Variants in OPCML observed in about 807,000 individuals in gnomAD.
The protein encoded by OPCML is opioid binding protein/cell adhesion molecule like, also known as opioid-binding protein/cell adhesion molecule.
Under a neutral mutation model 37.8 loss-of-function variants are expected in OPCML, and 13 were observed. The observed-to-expected ratio is 0.34, with a 90% CI of 0.22 to 0.55. The LOEUF (loss-of-function observed/expected upper bound fraction) is 0.55. Ranked by LOEUF, OPCML falls within the 20% of genes least tolerant of loss-of-function variation. The probability of loss-of-function intolerance (pLI) is 0.91; values close to 1 mark genes in which losing one functional copy is unlikely to be tolerated. For synonymous variants in OPCML, 176 were observed against 168.8 expected (o/e 1.04, Z -0.33); for missense variants, 341 against 435.6 (o/e 0.78, Z 1.93).
At chr11:132,815,324 C>T (rs1436841186) in intron 2 of OPCML, among the ~76,000 whole-genome samples, 1 of 152,158 alleles carries the variant, frequency 6.6e-6, no homozygotes, top group Non-Finnish European at 1.5e-5. Context: ...GCAGAATTCT[C>T]TACTGTAATT....
intron 2 of OPCML, among the ~76,000 whole-genome samples, chr11:132,843,931 C>G (rs768185575): frequency 5.9e-5 from 9 of 152,204 alleles, no homozygotes; most frequent in Non-Finnish European, 1.3e-4. Context: ...TGTCCCCACA[C>G]AAATCTCATC....
At chr11:133,098,572 C>A (rs1949038897) in intron 1 of OPCML, among the ~76,000 whole-genome samples, 1 of 152,066 alleles carries the variant, frequency 6.6e-6, no homozygotes, top group Non-Finnish European at 1.5e-5. Context: ...CAGACTAAAG[C>A]AGAAAAATCA....
chr11:132,915,272 C>T (rs183879859), intron 2 of OPCML, among the ~76,000 whole-genome samples: 52 of 152,298 alleles, frequency 3.4e-4, no homozygotes, highest in African/African-American at 1.2e-3. Context: ...ATAAACATGT[C>T]ATATGTACTG....
In OPCML at chr11:132,639,935, T is replaced by C. The variant is rs61259947; in HGVS notation, c.379+17152A>G. Among the ~76,000 whole-genome samples the C allele has an allele frequency of 5.1e-3, 773 of 152,344 alleles. 6 individuals are homozygous for C. Among genetic ancestry groups the C allele is most frequent in the African/African-American group, 0.018 (736 of 41,576 alleles). ...TTACTCACTAGAGGCAGAAAATCAC[T>C]GCAAGGCAATAGTTTCTGAGGCAAA... On this transcript the variant is annotated intron_variant, in intron 3 of 7. Transcript: ENST00000524381.
At chr11:132,762,282 A>T (rs573512925) in intron 2 of OPCML, among the ~76,000 whole-genome samples, 2 of 152,324 alleles carry the variant, frequency 1.3e-5, no homozygotes, top group South Asian at 2.1e-4. Context: ...GACAGGAGGC[A>T]TGGGGGTCAG....
chr11:133,385,346 TAGTA>T (rs1381786090), intron 1 of OPCML, among the ~76,000 whole-genome samples: 2 of 152,176 alleles, frequency 1.3e-5, no homozygotes, highest in Non-Finnish European at 1.5e-5. Context: ...AACTGTGAGA[TAGTA>T]AGTGTTTGCT....
intron 1 of OPCML, among the ~76,000 whole-genome samples, chr11:133,239,035 G>T (rs1341066010): frequency 6.6e-6 from 1 of 152,190 alleles, no homozygotes; most frequent in Non-Finnish European, 1.5e-5. Context: ...TGAAAATGGG[G>T]AGTGAAGCTC....
chr11:132,932,150 G>T (rs1242695006), intron 2 of OPCML, among the ~76,000 whole-genome samples: 1 of 152,174 alleles, frequency 6.6e-6, no homozygotes, highest in East Asian at 1.9e-4. Flanking sequence ...AGAAGCTGGG[G>T]GGAGGGAAGA....
chr11:132,882,664 C>T (rs1943261449), intron 2 of OPCML, among the ~76,000 whole-genome samples: 1 of 152,076 alleles, frequency 6.6e-6, no homozygotes, highest in Admixed American at 6.5e-5. Context: ...ACCCAGCTTG[C>T]TAGGAAGCCA....
At chr11:133,297,136 G>T (rs1430464387) in intron 1 of OPCML, 2 of 152,162 alleles carry the variant, frequency 1.3e-5, no homozygotes, top group African/African-American at 2.4e-5. Flanking sequence ...AGGTAGGTAG[G>T]CTTCTGAGGT....
At chr11:133,151,093 T>C (rs1322073409) in intron 1 of OPCML, among the ~76,000 whole-genome samples, 4 of 151,702 alleles carry the variant, frequency 2.6e-5, no homozygotes, top group Non-Finnish European at 5.9e-5. Context: ...ACCAACGTGG[T>C]GAAACCCGGT....
chr11:132,818,660 A>ATACATATATATATATATATATAT (rs56858242), intron 2 of OPCML, among the ~76,000 whole-genome samples: 1 of 115,558 alleles, frequency 8.7e-6, no homozygotes, highest in Non-Finnish European at 1.7e-5. Context: ...ATATATATAT[A>ATACATATATATATATATATATAT]GACAGATTAT....
intron 2 of OPCML, among the ~76,000 whole-genome samples, chr11:132,710,579 A>C (rs1179305766): frequency 6.6e-6 from 1 of 152,164 alleles, no homozygotes; most frequent in Non-Finnish European, 1.5e-5. Flanking sequence ...AAGGCTGGGC[A>C]CAGTGGCTCA....
At chr11:133,201,923 T>C (rs1356856231) in intron 1 of OPCML, among the ~76,000 whole-genome samples, 1 of 152,208 alleles carries the variant, frequency 6.6e-6, no homozygotes. Flanking sequence ...GGTTTTTTAT[T>C]GTTTATTAAT....
At chr11:133,514,685 T>A (rs941631049) in intron 1 of OPCML, among the ~76,000 whole-genome samples, 11 of 152,232 alleles carry the variant, frequency 7.2e-5, no homozygotes, top group African/African-American at 2.7e-4. Context: ...TCTATTGCCA[T>A]AACTGTACGT....
intron 2 of OPCML, among the ~76,000 whole-genome samples, chr11:132,851,950 T>C (rs1941828545): frequency 6.6e-6 from 1 of 152,232 alleles, no homozygotes; most frequent in African/African-American, 2.4e-5. Flanking sequence ...TTGATTATTT[T>C]AAGCTAAAAG....
At chr11:133,209,827 T>G (rs1341698069) in intron 1 of OPCML, among the ~76,000 whole-genome samples, 1 of 152,246 alleles carries the variant, frequency 6.6e-6, no homozygotes, top group Non-Finnish European at 1.5e-5. Context: ...GCATCAGGTA[T>G]GAGAAAACAT....
At chr11:133,003,557 T>C (rs1947051680) in intron 1 of OPCML, among the ~76,000 whole-genome samples, 1 of 152,224 alleles carries the variant, frequency 6.6e-6, no homozygotes, top group Admixed American at 6.5e-5. Flanking sequence ...GAAGAACTTT[T>C]TGTTATAAAC....
At chr11:132,546,808 T>G (rs1333464036) in intron 3 of OPCML, among the ~76,000 whole-genome samples, 2 of 151,392 alleles carry the variant, frequency 1.3e-5, no homozygotes, top group Non-Finnish European at 2.9e-5. Context: ...GTGCCGGGGG[T>G]GGTGGCAGGT....
Sources: gnomAD v4.1 joint callset for allele counts (sites outside exome capture counted in the v4.1 genomes callset) on GRCh38, gnomAD v4.1.1 for gene constraint, MANE v1.5 for transcripts, NCBI Gene and HGNC (gene_info 2026-07-23, HGNC 2026-07-21) for gene names.